Variants in ZNF609 observed in about 807,000 individuals in gnomAD.
ZNF609 encodes the protein zinc finger protein 609.
Under a neutral mutation model 109.5 loss-of-function variants are expected in ZNF609, and 11 were observed. That is an observed-to-expected ratio of 0.10 (90% confidence interval 0.06 to 0.17). The LOEUF is 0.17. Ranked by LOEUF, ZNF609 falls within the 10% of genes least tolerant of loss-of-function variation. ZNF609 has a pLI of 1.00. For missense variants in ZNF609, 1,559 were observed against 1,772.4 expected, an observed-to-expected ratio of 0.88 and a Z score of 2.16; for synonymous variants, 646 against 662.0, an observed-to-expected ratio of 0.98 and a Z score of 0.37.
intron 2 of ZNF609, among the ~76,000 whole-genome samples, chr15:64,567,500 A>G (rs1402340758): frequency 6.6e-6 from 1 of 151,960 alleles, no homozygotes; most frequent in African/African-American, 2.4e-5. Context: ...AACAAAAAAC[A>G]TTCCATCTAA....
chr15:64,617,449 C>T (rs555350184), intron 2 of ZNF609, among the ~76,000 whole-genome samples: 2 of 150,744 alleles, frequency 1.3e-5, no homozygotes, highest in East Asian at 2.0e-4. Flanking sequence ...CCATGATCAC[C>T]CCCTGCACTC....
At chr15:64,588,619 A>G (rs1895243015) in intron 2 of ZNF609, among the ~76,000 whole-genome samples, 1 of 149,172 alleles carries the variant, frequency 6.7e-6, no homozygotes, top group Admixed American at 6.7e-5. Context: ...TGCTGGAATT[A>G]CAGGCATGAA....
At chr15:64,583,951 CT>C (rs997836554) in intron 2 of ZNF609, among the ~76,000 whole-genome samples, 2 of 152,122 alleles carry the variant, frequency 1.3e-5, no homozygotes, top group Admixed American at 6.6e-5. Context: ...TAGGTTTCAT[CT>C]TTTTTTGGTC....
rs558569356 is a variant in ZNF609, at chr15:64,474,635, A to G, written c.-128+13797A>G. 5.3e-5 allele frequency among the ~76,000 whole-genome samples: 8 copies of G among 152,222 alleles called. No homozygotes were observed. In the South Asian group the frequency reaches 1.7e-3, roughly 32 times the overall value. Reference sequence around the variant, plus strand: ...TATTATAATTTTTATTTACTCATTTAGGTAATATTTACTGGGCACTTATAT... The same window carrying G: ...TATTATAATTTTTATTTACTCATTTGGGTAATATTTACTGGGCACTTATAT... On this transcript the variant is annotated intron_variant, in intron 1 of 9. Transcript: ENST00000326648.
chr15:64,625,761 C>T (rs1211332267), intron 3 of ZNF609, among the ~76,000 whole-genome samples: 10 of 143,206 alleles, frequency 7.0e-5, no homozygotes, highest in African/African-American at 1.0e-4. Flanking sequence ...TAGTGGTGGG[C>T]GCCTGTAGTC....
At chr15:64,505,341 C>G (rs1359439800) in intron 2 of ZNF609, among the ~76,000 whole-genome samples, 2 of 151,858 alleles carry the variant, frequency 1.3e-5, no homozygotes, top group Non-Finnish European at 2.9e-5. Context: ...AAAAAAAACC[C>G]TGTTCTAGTG....
chr15:64,484,380 A>G (rs1167760271), intron 1 of ZNF609, among the ~76,000 whole-genome samples: 1 of 152,178 alleles, frequency 6.6e-6, no homozygotes, highest in East Asian at 1.9e-4. Flanking sequence ...AGCCCCCAGT[A>G]GAAATTAAGA....
At chr15:64,571,870 C>T (rs1595722364) in intron 2 of ZNF609, among the ~76,000 whole-genome samples, 1 of 152,072 alleles carries the variant, frequency 6.6e-6, no homozygotes, top group African/African-American at 2.4e-5. Flanking sequence ...CAAGATTTCG[C>T]CATGTTGGTC....
intron 2 of ZNF609, among the ~76,000 whole-genome samples, chr15:64,610,209 A>C (rs188511352): frequency 6.6e-6 from 1 of 152,104 alleles, no homozygotes; most frequent in Non-Finnish European, 1.5e-5. Context: ...AAACCAACGC[A>C]GAAACAGAAA....
intron 2 of ZNF609, among the ~76,000 whole-genome samples, chr15:64,615,969 A>T (rs1895792474): frequency 6.6e-6 from 1 of 152,038 alleles, no homozygotes; most frequent in Admixed American, 6.5e-5. Context: ...AAGATACAAG[A>T]CTCATTGTGA....
chr15:64,478,002 A>G (rs1893196798), intron 1 of ZNF609, among the ~76,000 whole-genome samples: 1 of 152,116 alleles, frequency 6.6e-6, no homozygotes, highest in Non-Finnish European at 1.5e-5. Flanking sequence ...CTGTTACACT[A>G]TATGCCATTT....
chr15:64,556,249 G>T (rs1230215812), intron 2 of ZNF609, among the ~76,000 whole-genome samples: 1 of 151,760 alleles, frequency 6.6e-6, no homozygotes, highest in Non-Finnish European at 1.5e-5. Context: ...TCTTGCCTTG[G>T]TCTCCCAAAG....
chr15:64,573,542 A>G (rs1271935924), intron 2 of ZNF609, among the ~76,000 whole-genome samples: 1 of 142,408 alleles, frequency 7.0e-6, no homozygotes, highest in Non-Finnish European at 1.5e-5. Context: ...TTTTTTTTGT[A>G]TTTTTAGTAG....
At position 64,495,019 on chromosome 15, in the gene ZNF609, T is replaced by C. The variant is rs557436191; in HGVS notation, c.-127-4274T>C. Among the ~76,000 whole-genome samples, 3 of 152,290 alleles carry C rather than the reference T, an allele frequency of 2.0e-5. No homozygotes were observed. In the East Asian group the frequency reaches 5.8e-4, roughly 29 times the overall value. Reference sequence around the variant, plus strand: ...GGAATCTGGAAATGAGCATAGATCATCAGATGTTTTTTTCGCCTCCAGCTA... The same window carrying C: ...GGAATCTGGAAATGAGCATAGATCACCAGATGTTTTTTTCGCCTCCAGCTA... On this transcript the variant is annotated intron_variant, in intron 1 of 9. Transcript: ENST00000326648.
At chr15:64,466,032 C>T (rs993930141) in intron 1 of ZNF609, among the ~76,000 whole-genome samples, 1 of 142,650 alleles carries the variant, frequency 7.0e-6, no homozygotes, top group Non-Finnish European at 1.5e-5. Flanking sequence ...AGGAGAATCG[C>T]TTGAACCCGG....
Position 64,680,762 on chromosome 15 carries a change from C to T in ZNF609, c.4062C>T (p.Pro1354=), listed in dbSNP as rs1217518737. ...ASGGERSVDR[P]RTSPSQRLMS... is the part of the protein sequence containing the mutation. Reference sequence around the variant, plus strand: ...GGGGTGAACGGAGTGTTGACCGGCCCCGCACCTCTCCTTCCCAGCGCCTGA... The same window carrying T: ...GGGGTGAACGGAGTGTTGACCGGCCTCGCACCTCTCCTTCCCAGCGCCTGA... Residue 1354 remains proline, a synonymous_variant, in exon 8 of 10, where the codon CCC becomes CCT. Coordinates refer to ENST00000326648, the MANE Select transcript of ZNF609 (RefSeq NM_015042.2). The T allele has an allele frequency of 1.9e-6, 3 of 1,613,604 alleles. No individual in the cohort carries two copies.
At chr15:64,615,373 G>T (rs561565406) in intron 2 of ZNF609, among the ~76,000 whole-genome samples, 1 of 150,850 alleles carries the variant, frequency 6.6e-6, no homozygotes, top group African/African-American at 2.4e-5. Flanking sequence ...AAACTCCTGA[G>T]CTCAAGTGAA....
chr15:64,642,062 G>GGA (rs1422797877), intron 3 of ZNF609, among the ~76,000 whole-genome samples: 12 of 152,178 alleles, frequency 7.9e-5, no homozygotes, highest in Non-Finnish European at 5.9e-5. Context: ...TAATCTGATT[G>GGA]GAGGTTCTGC....
chr15:64,543,161 T>A (rs973962900), intron 2 of ZNF609, among the ~76,000 whole-genome samples: 2 of 151,910 alleles, frequency 1.3e-5, no homozygotes, highest in South Asian at 2.1e-4. Context: ...AAGTAAAATT[T>A]AAAAAATTTA....
Sources: gnomAD v4.1 joint callset for allele counts (sites outside exome capture counted in the v4.1 genomes callset) on GRCh38, gnomAD v4.1.1 for gene constraint, MANE v1.5 for transcripts, NCBI Gene and HGNC (gene_info 2026-07-23, HGNC 2026-07-21) for gene names.